PLA2G4C: variants seen among roughly 807,000 people sequenced by gnomAD.
PLA2G4C encodes the protein cytosolic phospholipase A2 gamma.
PLA2G4C carries 64 observed loss-of-function variants against 73.8 expected under a neutral mutation model. The observed-to-expected ratio is 0.87, with a 90% CI of 0.71 to 1.07. The LOEUF (loss-of-function observed/expected upper bound fraction) is 1.07, where lower values mean the gene tolerates loss of function less well. PLA2G4C is among the 50% of genes least tolerant of loss of function. The pLI is 0.00. For synonymous variants in PLA2G4C, 254 were observed against 252.1 expected (o/e 1.01, Z -0.07); for missense variants, 622 against 665.4 (o/e 0.93, Z 0.72).
chr19:48,096,939 T>C (rs1002790458), intron 6 of PLA2G4C: 1 of 152,242 alleles, frequency 6.6e-6, no homozygotes, highest in African/African-American at 2.4e-5. Flanking sequence ...GTGGATCACC[T>C]GAGGTCAGGA....
chr19:48,086,351 C>A (rs937914224), intron 9 of PLA2G4C, among the ~76,000 whole-genome samples: 1 of 152,060 alleles, frequency 6.6e-6, no homozygotes, highest in Admixed American at 6.5e-5. Context: ...CCACTCCCCA[C>A]TCCCTACACA....
intron 13 of PLA2G4C, among the ~76,000 whole-genome samples, chr19:48,066,088 A>AAAG (rs375696610): frequency 4.4e-4 from 54 of 122,304 alleles, no homozygotes; most frequent in African/African-American, 1.9e-3. Context: ...ACTCCATCTC[A>AAAG]AAAAAAAAAA....
intron 5 of PLA2G4C, among the ~76,000 whole-genome samples, chr19:48,099,233 C>T (rs954843121): frequency 6.6e-6 from 1 of 152,068 alleles, no homozygotes; most frequent in East Asian, 1.9e-4. Flanking sequence ...CTCGCCACTG[C>T]ACTCCAGCCT....
chr19:48,054,726 T>C, intron 15 of PLA2G4C, 152 bp downstream of exon 15: 1 of 711,672 alleles, frequency 1.4e-6, no homozygotes, highest in South Asian at 1.9e-5. Flanking sequence ...ACCATGACTG[T>C]AAGTTTCCTG....
intron 9 of PLA2G4C, 150 bp from the exon 10 acceptor site, chr19:48,085,262 G>A: frequency 3.1e-6 from 2 of 649,074 alleles, no homozygotes; most frequent in South Asian, 3.7e-5. Flanking sequence ...TATTTATGAA[G>A]CAATCAGTGG....
chr19:48,086,012 G>A (rs2122607567), intron 9 of PLA2G4C, among the ~76,000 whole-genome samples: 1 of 152,340 alleles, frequency 6.6e-6, no homozygotes, highest in Admixed American at 6.5e-5. Flanking sequence ...GTTCAGGTGG[G>A]TGGTCGCAGG....
rs554003529 is a variant in PLA2G4C, at chr19:48,074,708, G to A, written c.1006+59C>T. On this transcript the variant is annotated intron_variant, in intron 12 of 16. Transcript: ENST00000599921. ...CCCACAGGGGTGGGGAAGAGCAAGAGGGGGGAGAAGGTTGGTGGCACTTAC... is the reference window on the plus strand; with the variant it reads ...CCCACAGGGGTGGGGAAGAGCAAGAAGGGGGAGAAGGTTGGTGGCACTTAC... 5 of 1,149,334 alleles carry A rather than the reference G, an allele frequency of 4.4e-6. No homozygotes were observed. In the African/African-American group the frequency reaches 4.6e-5, roughly 10 times the overall value. The allele number at this position is 1,149,334 out of a possible 1,614,324, so 71.2% of individuals were successfully genotyped here.
At chr19:48,079,488 G>C (rs1431496453) in intron 10 of PLA2G4C, among the ~76,000 whole-genome samples, 1 of 152,090 alleles carries the variant, frequency 6.6e-6, no homozygotes, top group Non-Finnish European at 1.5e-5. Context: ...AATGAAACTC[G>C]ATCCTTATTT....
intron 13 of PLA2G4C, among the ~76,000 whole-genome samples, chr19:48,064,323 G>C (rs926058783): frequency 2.2e-4 from 33 of 151,814 alleles, no homozygotes; most frequent in Admixed American, 2.2e-3. Flanking sequence ...CAGCTACTCG[G>C]GAGGCTGAGG....
intron 13 of PLA2G4C, among the ~76,000 whole-genome samples, chr19:48,066,958 G>GACACACACACACAC (rs200703260): frequency 2.2e-4 from 32 of 143,940 alleles, no homozygotes; most frequent in African/African-American, 8.2e-4. Flanking sequence ...AACAGAGCAA[G>GACACACACACACAC]ACACACACAC....
intron 1 of PLA2G4C, chr19:48,106,771 CG>C: frequency 1.8e-6 from 1 of 561,886 alleles, no homozygotes. Context: ...ATATTTCAAG[CG>C]CGTCTCTCTG....
At chr19:48,062,780 T>C (rs2052854) in intron 13 of PLA2G4C, among the ~76,000 whole-genome samples, 100,386 of 151,972 alleles carry the variant, frequency 0.66, 34,156 homozygotes, top group East Asian at 0.8. Context: ...TATGTGAGAG[T>C]GTTGTTAACC....
At chr19:48,098,713 TAAAAAAAAAAAAAAAA>T (rs548688675) in intron 5 of PLA2G4C, among the ~76,000 whole-genome samples, 93 of 30,904 alleles carry the variant, frequency 3.0e-3, no homozygotes, top group African/African-American at 8.2e-3. Flanking sequence ...ACCCTATCTC[TAAAAAAAAAAAAAAAA>T]AAAAAAAAAA....
intron 13 of PLA2G4C, among the ~76,000 whole-genome samples, chr19:48,065,803 C>T (rs1162977096): frequency 1.3e-5 from 2 of 151,860 alleles, no homozygotes; most frequent in Non-Finnish European, 2.9e-5. Flanking sequence ...TGTTTCTTAT[C>T]AGACTTAAAA....
chr19:48,050,024 C>G (rs8106220), intron 16 of PLA2G4C, among the ~76,000 whole-genome samples: 90 of 151,918 alleles, frequency 5.9e-4, no homozygotes, highest in Non-Finnish European at 1.0e-3. Context: ...TGGGTTCAAG[C>G]GATTCTCCTG....
chr19:48,053,067 A>C lies in PLA2G4C; in HGVS notation c.1510T>G (p.Leu504Val), dbSNP rs200630540. The change falls in exon 16 of 17, where the codon TTG becomes GTG. Residue 504 changes from leucine (L) to valine (V), a missense_variant. Coordinates refer to ENST00000599921, the MANE Select transcript of PLA2G4C (RefSeq NM_003706.3). ...TYTLDVVVLL[L>V]ALAKKNVREN... ...CTGACATTCTTCTTGGCTAATGCCA[A>C]GAGTAGCACCACCACATCTAGAGTG... The C allele has an allele frequency of 2.9e-5, 46 of 1,613,658 alleles. No homozygotes were observed. The highest frequency in any genetic ancestry group is 2.0e-4 in the East Asian group (9 of 44,868).
At chr19:48,101,482 T>C (rs1040241425) in intron 4 of PLA2G4C, among the ~76,000 whole-genome samples, 2 of 151,940 alleles carry the variant, frequency 1.3e-5, no homozygotes, top group Non-Finnish European at 1.5e-5. Context: ...GGGTGCTATC[T>C]ACCCTCACAC....
At chr19:48,073,247 G>T (rs983455778) in intron 12 of PLA2G4C, among the ~76,000 whole-genome samples, 1 of 151,852 alleles carries the variant, frequency 6.6e-6, no homozygotes, top group Non-Finnish European at 1.5e-5. Context: ...ATGGGGTCTT[G>T]CTATGTTGCC....
chr19:48,083,459 T>C (rs556739814), intron 10 of PLA2G4C, among the ~76,000 whole-genome samples: 38 of 149,186 alleles, frequency 2.5e-4, no homozygotes, highest in African/African-American at 9.3e-4. Flanking sequence ...TTCTTTTTTT[T>C]TTTTTGAGAC....
Sources: gnomAD v4.1 joint callset for allele counts (sites outside exome capture counted in the v4.1 genomes callset) on GRCh38, gnomAD v4.1.1 for gene constraint, MANE v1.5 for transcripts, NCBI Gene and HGNC (gene_info 2026-07-23, HGNC 2026-07-21) for gene names.